TASOR: variants seen among roughly 807,000 people sequenced by gnomAD.
The protein encoded by TASOR is transcription activation suppressor, also known as protein TASOR.
Under a neutral mutation model 178.6 loss-of-function variants are expected in TASOR, and 53 were observed. The observed-to-expected ratio is 0.30, with a 90% confidence interval of 0.24 to 0.37. TASOR has a LOEUF of 0.37. Among genes scored for constraint, TASOR ranks in the 10% least tolerant of loss-of-function variants. The pLI is 1.00. For missense variants in TASOR, 1,815 were observed against 1,971.4 expected (o/e 0.92, Z 1.50); for synonymous variants, 713 against 696.2 (o/e 1.02, Z -0.38).
chr3:56,631,206 C>T (rs2076904916), intron 18 of TASOR, among the ~76,000 whole-genome samples: 2 of 152,166 alleles, frequency 1.3e-5, no homozygotes, highest in African/African-American at 4.8e-5. Context: ...AGTACTCTGA[C>T]TCATGTAATT....
intron 13 of TASOR, among the ~76,000 whole-genome samples, 191 bp downstream of exon 13, chr3:56,648,631 C>CAAAAAAAAAA (rs56218279): frequency 7.1e-5 from 6 of 84,566 alleles, no homozygotes; most frequent in Admixed American, 1.3e-4. Context: ...AACTCTGTAT[C>CAAAAAAAAAA]AAAAAAAAAA....
Position 56,628,246 on chromosome 3 carries a change from T to A in TASOR, c.3870+246A>T, listed in dbSNP as rs143288864. Among the ~76,000 whole-genome samples the A allele has an allele frequency of 2.4e-3, 360 of 152,318 alleles. 6 individuals are homozygous for A. Among genetic ancestry groups the A allele is most frequent in the African/African-American group, 7.7e-3 (319 of 41,580 alleles). ...TTATGTAGTCAGTCAGCAGACCCAA[T>A]GGCATTCAAGGATTCAGTACTCTTA... On this transcript the variant is annotated intron_variant, in intron 19 of 23. Coordinates refer to ENST00000683822, the MANE Select transcript of TASOR (RefSeq NM_001365635.2).
At position 56,668,414 on chromosome 3, in the gene TASOR, C is replaced by T. The variant is rs1464105495; in HGVS notation, c.880G>A (p.Ala294Thr). ...GAACCTACCTGAGTAAGCTCATAGG[C>T]TCTGTAAGCCAAAAGTGATGTAATT... ...NRITSLLAYR[A>T]YELTQYYFYE... The change falls in exon 6 of 24, where the codon GCC becomes ACC. Residue 294 changes from alanine to threonine, a missense_variant. Physicochemically the swap from Ala to Thr is moderately conservative, Grantham distance 58. Around this residue, in one of 5 missense-constraint regions of TASOR, gnomAD observed 504 missense variants for 645.3 expected, o/e 0.78. Transcript: ENST00000683822. The T allele has an allele frequency of 1.9e-6, 3 of 1,551,448 alleles. No individual in the cohort carries two copies. The highest frequency in any genetic ancestry group is 2.6e-6 in the Non-Finnish European group (3 of 1,146,960).
chr3:56,659,066 G>C (rs2077537926), intron 11 of TASOR, among the ~76,000 whole-genome samples: 1 of 152,040 alleles, frequency 6.6e-6, no homozygotes, highest in African/African-American at 2.4e-5. Flanking sequence ...TTATAACTCT[G>C]CCTGGAAGTT....
rs571298557 is a variant in TASOR, at chr3:56,663,785, A to G, written c.1023-213T>C. 1.3e-5 allele frequency: 13 copies of G among 1,017,654 alleles called. No homozygotes were observed. In the African/African-American group the frequency reaches 2.2e-4, roughly 17 times the overall value. 63.0% of individuals were successfully genotyped at this position (1,017,654 alleles called of 1,614,324 possible). ...GTACTTACTTCGCTCAAATTACCAC[A>G]TTTACCCAAATTTAAGGGAGTTGTT... On this transcript the variant is annotated intron_variant, in intron 7 of 23. Coordinates refer to ENST00000683822, the MANE Select transcript of TASOR (RefSeq NM_001365635.2).
intron 11 of TASOR, among the ~76,000 whole-genome samples, chr3:56,654,450 T>A (rs2077427293): frequency 6.6e-6 from 1 of 152,082 alleles, no homozygotes; most frequent in Non-Finnish European, 1.5e-5. Context: ...AGTTTAATAT[T>A]GGAAAACTAT....
Position 56,621,731 on chromosome 3 carries a change from C to T in TASOR, c.*1306G>A. The T allele has an allele frequency of 3.2e-6, 2 of 634,230 alleles. No homozygotes were observed. Among genetic ancestry groups the T allele is most frequent in the Admixed American group, 6.3e-5 (2 of 31,532 alleles). 39.3% of individuals were successfully genotyped at this position (634,230 alleles called of 1,614,324 possible). A position where few individuals can be genotyped will look rare whatever the true frequency, so the allele number is the denominator to read the frequency against. On this transcript the variant is annotated 3_prime_UTR_variant, in exon 24 of 24. Coordinates refer to ENST00000683822, the MANE Select transcript of TASOR (RefSeq NM_001365635.2). ...CTAGATTTACTTATTTTTTTAAATG[C>T]TCATTAAAAACTTGTATACTATGTA...
Position 56,633,649 on chromosome 3 carries a change from A to T in TASOR, c.3142T>A (p.Ser1048Thr). The T allele has an allele frequency of 6.2e-7, 1 of 1,614,060 alleles. No individual in the cohort carries two copies. Among genetic ancestry groups the T allele is most frequent in the Non-Finnish European group, 8.5e-7 (1 of 1,179,992 alleles). Residue 1048 changes from serine (S) to threonine (T), a missense_variant, in exon 18 of 24, where the codon TCC becomes ACC. Transcript: ENST00000683822. ...QKNVSYVSTV[S>T]TPIFSTQEKM... ...TCTTGTGTTGAAAAGATAGGTGTGG[A>T]AACTGTACTGACATATGAAACATTC...
chr3:56,641,312 T>A (rs1378111842), intron 15 of TASOR, 37 bp downstream of exon 15: 3 of 1,540,738 alleles, frequency 1.9e-6, no homozygotes, highest in South Asian at 1.3e-5. Flanking sequence ...ACACACACAC[T>A]CACAAACACA....
Position 56,620,409 on chromosome 3 carries a change from C to CAA in TASOR, c.*2626_*2627dup, listed in dbSNP as rs2107476135. ...ACTTCTTTTTGCTCTCTGATTAAAACAAACAGGTAACATCCTTACACCTTT... is the reference window on the plus strand; with the variant it reads ...ACTTCTTTTTGCTCTCTGATTAAAACAAAAACAGGTAACATCCTTACACCTTT... On this transcript the variant is annotated 3_prime_UTR_variant, in exon 24 of 24. Transcript: ENST00000683822. 1 of 153,274 alleles carries CAA rather than the reference C, an allele frequency of 6.5e-6. No homozygotes were observed. The highest frequency in any genetic ancestry group is 1.9e-4 in the East Asian group (1 of 5,240). The allele number at this position is 153,274 out of a possible 1,614,324, so 9.5% of individuals were successfully genotyped here. A position where few individuals can be genotyped will look rare whatever the true frequency, so the allele number is the denominator to read the frequency against.
In TASOR at chr3:56,621,916, G is replaced by C; in HGVS notation, c.*1121C>G. ...TCTACTTACCTTAATATAGTCTGGC[G>C]TTGCTGGGACCTCACAGTGTTCTTT... On this transcript the variant is annotated 3_prime_UTR_variant, in exon 24 of 24. Coordinates refer to ENST00000683822, the MANE Select transcript of TASOR (RefSeq NM_001365635.2). 5.9e-6 allele frequency: 1 copy of C among 169,202 alleles called. No individual in the cohort carries two copies. Among genetic ancestry groups the C allele is most frequent in the Non-Finnish European group, 1.3e-5 (1 of 79,296 alleles). 10.5% of individuals were successfully genotyped at this position (169,202 alleles called of 1,614,324 possible).
At chr3:56,678,176 GATTT>G (rs1298161824) in intron 1 of TASOR, among the ~76,000 whole-genome samples, 4 of 93,172 alleles carry the variant, frequency 4.3e-5, no homozygotes, top group African/African-American at 1.9e-4. Context: ...ACACACTTAT[GATTT>G]TTTTTTTTTT....
chr3:56,660,698 A>C (rs1340381419), intron 11 of TASOR, 33 bp downstream of exon 11: 1 of 1,524,502 alleles, frequency 6.6e-7, no homozygotes, highest in Admixed American at 1.7e-5. Flanking sequence ...TTTGTAACAA[A>C]GAATGAGAAA....
chr3:56,631,225 C>T (rs1337771801), intron 18 of TASOR, among the ~76,000 whole-genome samples: 2 of 152,156 alleles, frequency 1.3e-5, no homozygotes, highest in Non-Finnish European at 2.9e-5. Context: ...TTTCTATGTT[C>T]TTCAGGTCTT....
Position 56,638,754 on chromosome 3 carries a change from T to C in TASOR, c.2776A>G (p.Arg926Gly). The change falls in exon 17 of 24, where the codon AGA (arginine) becomes GGA (glycine). Residue 926 changes from arginine (R) to glycine (G), a missense_variant. Coordinates refer to ENST00000683822, the MANE Select transcript of TASOR (RefSeq NM_001365635.2). The stretch of plus-strand genomic sequence containing the variant: ...TTCCCCAGCTGGTCTTCTGGGCTTC[T>C]TGCATTCCCTCCTGAGGGAAAGCAT... ...KLIPITGGNARSPEDQLGKHG... is the reference protein window; with the variant it reads ...KLIPITGGNAGSPEDQLGKHG... 6.2e-7 allele frequency: 1 copy of C among 1,614,128 alleles called. No homozygotes were observed. Among genetic ancestry groups the C allele is most frequent in the Non-Finnish European group, 8.5e-7 (1 of 1,179,990 alleles).
intron 7 of TASOR, chr3:56,663,808 G>T: frequency 9.9e-7 from 1 of 1,009,032 alleles, no homozygotes; most frequent in Non-Finnish European, 1.2e-6. Context: ...TAAGGGAGTT[G>T]TTTTTTCCAA....
chr3:56,641,300 TCA>T (rs1578216462), intron 15 of TASOR, 47 bp downstream of exon 15: 24 of 1,511,528 alleles, frequency 1.6e-5, no homozygotes, highest in Admixed American at 2.0e-5. Flanking sequence ...AGCACCTCTT[TCA>T]CACACACACT....
chr3:56,674,661 C>A (rs1211256768), intron 1 of TASOR, among the ~76,000 whole-genome samples: 1 of 152,192 alleles, frequency 6.6e-6, no homozygotes, highest in African/African-American at 2.4e-5. Flanking sequence ...CCTAGCATTA[C>A]TGGCTTGGAG....
In TASOR at chr3:56,636,420, T is replaced by C. The variant is rs550337660; in HGVS notation, c.2824+2286A>G. ...GTGGTGGTGGTGTTGTTGTTGTTGT[T>C]GTTGAGACAGAGACTCGCTCTGCCA... On this transcript the variant is annotated intron_variant, in intron 17 of 23. Transcript: ENST00000683822. 1.2e-4 allele frequency among the ~76,000 whole-genome samples: 19 copies of C among 152,206 alleles called. No homozygotes were observed. The East Asian group carries it at 3.7e-3, about 29-fold the overall frequency.
Sources: gnomAD v4.1 joint callset for allele counts (sites outside exome capture counted in the v4.1 genomes callset) on GRCh38, gnomAD v4.1.1 for gene constraint, gnomAD v4.1.1 regional missense constraint, MANE v1.5 for transcripts, NCBI Gene and HGNC (gene_info 2026-07-23, HGNC 2026-07-21) for gene names.